Variants in LUZP2 observed in about 807,000 individuals in gnomAD.
The protein encoded by LUZP2 is leucine zipper protein 2.
Under a neutral mutation model 51.6 loss-of-function variants are expected in LUZP2, and 52 were observed. The observed-to-expected ratio is 1.01, with a 90% confidence interval of 0.81 to 1.27. LUZP2 has a LOEUF of 1.27. Among genes scored for constraint, LUZP2 ranks in the 50% most tolerant of loss-of-function variants. LUZP2 has a pLI of 0.00. For missense variants in LUZP2, 436 were observed against 395.4 expected, an observed-to-expected ratio of 1.10 and a Z score of -0.87; for synonymous variants, 154 against 137.3, an observed-to-expected ratio of 1.12 and a Z score of -0.85.
rs1015194703 is a variant in LUZP2, at chr11:25,081,672, C to T, written c.*3014C>T. 13 of 152,174 alleles carry T rather than the reference C, an allele frequency of 8.5e-5. No homozygotes were observed. The highest frequency in any genetic ancestry group is 3.4e-3 in the Middle Eastern group (1 of 294). The allele number at this position is 152,174 out of a possible 1,614,324, so 9.4% of individuals were successfully genotyped here. Reference sequence around the variant, plus strand: ...TTTAATTAACAACTAAATAAACAGACGTTGTTTTAAAGGAATTAACACTTA... The same window carrying T: ...TTTAATTAACAACTAAATAAACAGATGTTGTTTTAAAGGAATTAACACTTA... On this transcript the variant is annotated 3_prime_UTR_variant, in exon 12 of 12. Coordinates refer to ENST00000336930, the MANE Select transcript of LUZP2 (RefSeq NM_001009909.4).
chr11:24,954,127 C>A (rs1263066918), intron 7 of LUZP2, among the ~76,000 whole-genome samples: 1 of 151,858 alleles, frequency 6.6e-6, no homozygotes, highest in African/African-American at 2.4e-5. Context: ...ACTCTGATAA[C>A]CTTGCAAGAC....
At chr11:25,013,865 C>T (rs1857054916) in intron 9 of LUZP2, among the ~76,000 whole-genome samples, 1 of 152,048 alleles carries the variant, frequency 6.6e-6, no homozygotes, top group South Asian at 2.1e-4. Context: ...CATCATTTAA[C>T]ATTAGGTATA....
intron 7 of LUZP2, among the ~76,000 whole-genome samples, chr11:24,959,237 G>A (rs1261966180): frequency 1.3e-5 from 2 of 152,140 alleles, no homozygotes; most frequent in South Asian, 2.1e-4. Context: ...TGGCGATGCG[G>A]GCTCTTTTTT....
At chr11:24,581,393 G>A (rs1455316315) in intron 1 of LUZP2, among the ~76,000 whole-genome samples, 1 of 152,058 alleles carries the variant, frequency 6.6e-6, no homozygotes, top group Middle Eastern at 3.2e-3. Flanking sequence ...TTTGAGGGCC[G>A]GGTGCGGTGG....
At chr11:24,662,509 A>G (rs1163244150) in intron 1 of LUZP2, among the ~76,000 whole-genome samples, 4 of 152,136 alleles carry the variant, frequency 2.6e-5, no homozygotes, top group African/African-American at 9.6e-5. Flanking sequence ...GAGATAAGTG[A>G]TGGATATTGA....
At chr11:24,613,963 T>C (rs1055833341) in intron 1 of LUZP2, among the ~76,000 whole-genome samples, 1 of 152,000 alleles carries the variant, frequency 6.6e-6, no homozygotes, top group Non-Finnish European at 1.5e-5. Flanking sequence ...AACCGCCAAC[T>C]CTTTGGTGTG....
Position 24,611,064 on chromosome 11 carries a change from T to A in LUZP2, c.62+113759T>A, listed in dbSNP as rs1051300974. 2.6e-5 allele frequency among the ~76,000 whole-genome samples: 4 copies of A among 152,016 alleles called. No homozygotes were observed. Among genetic ancestry groups the A allele is most frequent in the Non-Finnish European group, 5.9e-5 (4 of 67,990 alleles). On this transcript the variant is annotated intron_variant, in intron 1 of 11. Transcript: ENST00000336930. The surrounding 1 kb of genome is among the most constrained non-coding windows in gnomAD (Gnocchi z 4.6). ...TACATGACATAGCTTTGTTTTTTTT[T>A]ATTTTTATTTTTTGTTTTGTTTTGT...
chr11:24,933,228 C>T (rs1297955661), intron 7 of LUZP2, among the ~76,000 whole-genome samples: 2 of 152,120 alleles, frequency 1.3e-5, no homozygotes, highest in African/African-American at 2.4e-5. Flanking sequence ...TGGGGATTCT[C>T]TTTGCTTTCC....
At chr11:24,547,228 C>A (rs948588911) in intron 1 of LUZP2, among the ~76,000 whole-genome samples, 1 of 151,430 alleles carries the variant, frequency 6.6e-6, no homozygotes, top group African/African-American at 2.4e-5. Context: ...TCCTAAAATT[C>A]ACGTGGAACT....
intron 5 of LUZP2, among the ~76,000 whole-genome samples, chr11:24,876,732 C>A (rs1018090789): frequency 3.3e-5 from 5 of 151,154 alleles, no homozygotes; most frequent in South Asian, 2.1e-4. Context: ...ACCCATGAGC[C>A]TGGAATGTTC....
chr11:24,736,574 A>C (rs4922692), intron 3 of LUZP2, among the ~76,000 whole-genome samples: 63,577 of 151,238 alleles, frequency 0.42, 13,700 homozygotes, highest in East Asian at 0.56. Flanking sequence ...ATAGACACTA[A>C]AACACAATTT....
intron 1 of LUZP2, among the ~76,000 whole-genome samples, chr11:24,594,135 C>T (rs1437332585): frequency 1.3e-5 from 2 of 152,170 alleles, no homozygotes; most frequent in Admixed American, 6.5e-5. Context: ...TGAAGGATTA[C>T]TGCCTAATTT....
intron 1 of LUZP2, among the ~76,000 whole-genome samples, chr11:24,603,313 G>A (rs558795415): frequency 6.6e-6 from 1 of 151,764 alleles, no homozygotes; most frequent in South Asian, 2.1e-4. Context: ...ACCCAAAAAG[G>A]CTCAGCTTGA....
intron 5 of LUZP2, among the ~76,000 whole-genome samples, chr11:24,832,530 G>T (rs563337478): frequency 6.7e-6 from 1 of 149,354 alleles, no homozygotes; most frequent in Non-Finnish European, 1.5e-5. Flanking sequence ...TCTTGTTAAT[G>T]ATCCATTCTT....
chr11:24,878,348 C>T (rs934213903), intron 5 of LUZP2, among the ~76,000 whole-genome samples: 1 of 152,012 alleles, frequency 6.6e-6, no homozygotes, highest in Non-Finnish European at 1.5e-5. Context: ...GTTCTCTCAG[C>T]TCTTTAAGTA....
chr11:24,786,549 A>C, intron 5 of LUZP2: 6 of 467,676 alleles, frequency 1.3e-5, no homozygotes, highest in Non-Finnish European at 1.4e-5. Flanking sequence ...ATAATATATA[A>C]ACAGGTGTAT....
intron 3 of LUZP2, among the ~76,000 whole-genome samples, chr11:24,736,449 G>A (rs1276984891): frequency 1.3e-5 from 2 of 151,516 alleles, no homozygotes; most frequent in Non-Finnish European, 2.9e-5. Context: ...GAAGATTTGA[G>A]TGTTTGGGAT....
At chr11:24,811,671 G>C (rs1850027917) in intron 5 of LUZP2, among the ~76,000 whole-genome samples, 1 of 151,928 alleles carries the variant, frequency 6.6e-6, no homozygotes, top group Admixed American at 6.6e-5. Context: ...CCCACATTCT[G>C]TCTTTCTGGA....
chr11:25,061,622 A>G (rs557881963), intron 10 of LUZP2, among the ~76,000 whole-genome samples: 35 of 152,204 alleles, frequency 2.3e-4, no homozygotes, highest in South Asian at 4.1e-4. Flanking sequence ...AATTAGGTTG[A>G]GTTTTACTTA....
Sources: gnomAD v4.1 joint callset for allele counts (sites outside exome capture counted in the v4.1 genomes callset) on GRCh38, gnomAD v4.1.1 for gene constraint, Gnocchi (gnomAD v3.1) non-coding constraint, MANE v1.5 for transcripts, NCBI Gene and HGNC (gene_info 2026-07-23, HGNC 2026-07-21) for gene names.